ARL10: variants seen among roughly 807,000 people sequenced by gnomAD.
The protein encoded by ARL10 is ARF like GTPase 10.
Under a neutral mutation model 26.1 loss-of-function variants are expected in ARL10, and 23 were observed. The ratio of observed to expected loss-of-function variants is 0.88; its 90% confidence interval spans 0.63 to 1.25. The LOEUF is 1.25. ARL10 is among the 50% of genes most tolerant of loss of function. The pLI, the probability that ARL10 is intolerant of heterozygous loss-of-function variation, is 0.00. For synonymous variants in ARL10, 138 were observed against 149.1 expected, an observed-to-expected ratio of 0.93 and a Z score of 0.54; for missense variants, 300 against 323.6, an observed-to-expected ratio of 0.93 and a Z score of 0.56.
chr5:176,389,145 G>C (rs886847901), downstream of ARL10, among the ~76,000 whole-genome samples: 22 of 152,102 alleles, frequency 1.4e-4, no homozygotes, highest in Non-Finnish European at 2.4e-4. Flanking sequence ...GCGGGTTTAG[G>C]GGGCGGGATT....
chr5:176,384,571 G>A, downstream of ARL10: 1 of 595,560 alleles, frequency 1.7e-6, no homozygotes, highest in African/African-American at 1.9e-5. Context: ...AGGATCTCTT[G>A]AGCCCAGGAG....
At chr5:176,397,710 A>G in intron 1 of ARL10, 1 of 1,613,526 alleles carries the variant, frequency 6.2e-7, no homozygotes, top group Non-Finnish European at 8.5e-7. Flanking sequence ...GTGACCTTAG[A>G]TGCAGCATCT....
rs1768429643 is a variant in ARL10, at chr5:176,368,920, G to C, written c.499G>C (p.Glu167Gln). 6.2e-7 allele frequency: 1 copy of C among 1,614,006 alleles called. No individual in the cohort carries two copies. Among genetic ancestry groups the C allele is most frequent in the Non-Finnish European group, 8.5e-7 (1 of 1,180,042 alleles). ...ACTGCGGCTGCCCTGGGCCCGACAG[G>C]AGCTGCACAAGCTGCTGGACAAGGA... ...DRLRLPWARQELHKLLDKDPD... is the reference protein window; with the variant it reads ...DRLRLPWARQQLHKLLDKDPD... Residue 167 changes from glutamate (E) to glutamine (Q), a missense_variant, in exon 3 of 4, where the codon GAG becomes CAG. By Grantham distance (29) the Glu-to-Gln change is conservative. Coordinates refer to ENST00000310389, the MANE Select transcript of ARL10 (RefSeq NM_173664.6). This position sits in a 1 kb window ranked among gnomAD's most constrained non-coding sequence, Gnocchi z 4.1.
chr5:176,365,652 C>T lies in ARL10; in HGVS notation c.89C>T (p.Thr30Ile). The T allele has an allele frequency of 8.0e-7, 1 of 1,253,798 alleles. No individual in the cohort carries two copies. Among genetic ancestry groups the T allele is most frequent in the Non-Finnish European group, 1.0e-6 (1 of 998,442 alleles). The allele number at this position is 1,253,798 out of a possible 1,614,324, so 77.7% of individuals were successfully genotyped here. A position where few individuals can be genotyped will look rare whatever the true frequency, so the allele number is the denominator to read the frequency against. ...LGSVLFILWK[T>I]YFGRGRERRW... is the part of the protein sequence containing the mutation. ...TCGGTGCTCTTCATCCTCTGGAAGA[C>T]CTACTTCGGCCGCGGCCGAGAGCGG... The change falls in exon 1 of 4, where the codon ACC (threonine) becomes ATC (isoleucine). Residue 30 changes from threonine (T) to isoleucine (I), a missense_variant. Physicochemically the swap from Thr to Ile is moderately conservative, Grantham distance 89. Coordinates refer to ENST00000310389, the MANE Select transcript of ARL10 (RefSeq NM_173664.6).
chr5:176,394,910 C>G (rs2113624497), intron 1 of ARL10, among the ~76,000 whole-genome samples: 1 of 152,288 alleles, frequency 6.6e-6, no homozygotes, highest in East Asian at 1.9e-4. Flanking sequence ...TCAACAGAAG[C>G]ATCGAGCCCC....
Position 176,375,707 on chromosome 5 carries a change from C to T in ARL10, c.*3812C>T, listed in dbSNP as rs922613660. ...CTGGAAAGTGGGGGCCACCTGGTAGCATTTGAGCAGGGGTCACTTATGTTC... is the reference window on the plus strand; with the variant it reads ...CTGGAAAGTGGGGGCCACCTGGTAGTATTTGAGCAGGGGTCACTTATGTTC... On this transcript the variant is annotated 3_prime_UTR_variant, in exon 4 of 4. Transcript: ENST00000310389. The T allele has an allele frequency of 5.9e-5, 9 of 152,132 alleles. No individual in the cohort carries two copies. The highest frequency in any genetic ancestry group is 5.9e-4 in the Admixed American group (9 of 15,272). The allele number at this position is 152,132 out of a possible 1,614,324, so 9.4% of individuals were successfully genotyped here. A position where few individuals can be genotyped will look rare whatever the true frequency, so the allele number is the denominator to read the frequency against.
chr5:176,397,761 A>T, intron 1 of ARL10: 5 of 1,582,716 alleles, frequency 3.2e-6, no homozygotes, highest in Non-Finnish European at 4.3e-6. Context: ...TCCAGCTGGG[A>T]TGCACAGGCC....
At chr5:176,396,606 T>TAG (rs374264390) in intron 1 of ARL10, 166 of 981,232 alleles carry the variant, frequency 1.7e-4, no homozygotes, top group Admixed American at 6.3e-4. Context: ...GGCAGAAGGT[T>TAG]AGAGAGAGAG....
chr5:176,400,782 C>T (rs1427963900), intron 1 of ARL10, among the ~76,000 whole-genome samples: 2 of 152,202 alleles, frequency 1.3e-5, no homozygotes, highest in African/African-American at 4.8e-5. Flanking sequence ...GAGTGTCTGG[C>T]ACACTCTCTG....
chr5:176,406,425 C>G, downstream of ARL10: 1 of 1,164,774 alleles, frequency 8.6e-7, no homozygotes. Context: ...TGCTGCGACT[C>G]CAGGGATGGC....
At chr5:176,385,470 C>T, downstream of ARL10, 2 of 619,364 alleles carry the variant, frequency 3.2e-6, no homozygotes, top group Non-Finnish European at 5.8e-6. Flanking sequence ...TCCCCATTCC[C>T]AAATCCATTG....
downstream of ARL10, among the ~76,000 whole-genome samples, chr5:176,405,302 A>C (rs1489756289): frequency 6.6e-6 from 1 of 152,054 alleles, no homozygotes; most frequent in East Asian, 1.9e-4. Context: ...CAGCCTGGCC[A>C]ATATAGCGAG....
chr5:176,392,933 C>T (rs1170451494), downstream of ARL10: 1 of 1,614,164 alleles, frequency 6.2e-7, no homozygotes, highest in African/African-American at 1.3e-5. The surrounding 1 kb of genome is among the most constrained non-coding windows in gnomAD (Gnocchi z 5.2). Context: ...TCACGAAAGC[C>T]TCCTCGGATG....
intron 2 of ARL10, 122 bp downstream of exon 2, chr5:176,366,703 C>T: frequency 8.4e-7 from 1 of 1,196,178 alleles, no homozygotes; most frequent in Non-Finnish European, 1.2e-6. Flanking sequence ...CGAATCCTTC[C>T]CACCGCTCTC....
intron 1 of ARL10, among the ~76,000 whole-genome samples, chr5:176,399,460 G>A (rs1330262592): frequency 6.6e-6 from 1 of 152,178 alleles, no homozygotes; most frequent in Non-Finnish European, 1.5e-5. Context: ...TGAAAAATGG[G>A]GCTGGGCATG....
downstream of ARL10, chr5:176,406,129 G>C (rs1366896617): frequency 1.0e-6 from 1 of 985,700 alleles, no homozygotes; most frequent in African/African-American, 1.7e-5. Flanking sequence ...CAGTGTCACG[G>C]GCCACAACTG....
At chr5:176,411,277 G>C in the ARL10 span, among the ~76,000 whole-genome samples, 3 of 149,468 alleles carry the variant, frequency 2.0e-5, no homozygotes, top group African/African-American at 7.3e-5. Flanking sequence ...CCAATTGCCA[G>C]GGCTGACAGT....
At chr5:176,409,069 C>T in the ARL10 span, among the ~76,000 whole-genome samples, 6 of 151,930 alleles carry the variant, frequency 3.9e-5, no homozygotes, top group Non-Finnish European at 7.4e-5. Flanking sequence ...CTCCCACTCC[C>T]GGATTCAAGC....
chr5:176,391,954 A>C (rs1027869501), downstream of ARL10, among the ~76,000 whole-genome samples: 2 of 152,272 alleles, frequency 1.3e-5, no homozygotes, highest in Non-Finnish European at 2.9e-5. Context: ...CATGCAGGTC[A>C]TGAACGTCCT....
Sources: gnomAD v4.1 joint callset for allele counts (sites outside exome capture counted in the v4.1 genomes callset) on GRCh38, gnomAD v4.1.1 for gene constraint, Gnocchi (gnomAD v3.1) non-coding constraint, MANE v1.5 for transcripts, NCBI Gene and HGNC (gene_info 2026-07-23, HGNC 2026-07-21) for gene names.